The following RAI1 variants were observed in gnomAD, a reference collection of about 807,000 sequenced individuals.
RAI1 encodes the protein retinoic acid-induced protein 1.
A neutral mutation model predicts 123.8 loss-of-function variants in RAI1; 9 were observed. The observed-to-expected ratio is 0.07, with a 90% confidence interval of 0.04 to 0.13. The LOEUF (loss-of-function observed/expected upper bound fraction) is 0.13, where lower values mean the gene tolerates loss of function less well. Among genes scored for constraint, RAI1 ranks in the 10% least tolerant of loss-of-function variants. The probability of loss-of-function intolerance (pLI) is 1.00; values close to 1 mark genes in which losing one functional copy is unlikely to be tolerated. For missense variants in RAI1, 2,256 were observed against 2,545.8 expected (o/e 0.89, Z 2.45); for synonymous variants, 1,231 against 1,127.3 (o/e 1.09, Z -1.84).
intron 2 of RAI1, among the ~76,000 whole-genome samples, chr17:17,760,633 C>G (rs1207748628): frequency 6.6e-6 from 1 of 152,254 alleles, no homozygotes; most frequent in Non-Finnish European, 1.5e-5. Flanking sequence ...AGTCTAGAAG[C>G]TGGAGCTGCT....
At chr17:17,751,473 G>A (rs1263387805) in intron 2 of RAI1, among the ~76,000 whole-genome samples, 1 of 152,218 alleles carries the variant, frequency 6.6e-6, no homozygotes, top group Non-Finnish European at 1.5e-5. Flanking sequence ...CCTCAAGCTG[G>A]TGTTTTCCCC....
At chr17:17,690,426 G>A (rs886745752) in intron 1 of RAI1, among the ~76,000 whole-genome samples, 2 of 151,302 alleles carry the variant, frequency 1.3e-5, no homozygotes, top group Non-Finnish European at 2.9e-5. Flanking sequence ...TCTCAAGTAT[G>A]AAAGCAGAAA....
At chr17:17,701,578 C>T (rs983425010) in intron 1 of RAI1, among the ~76,000 whole-genome samples, 3 of 152,174 alleles carry the variant, frequency 2.0e-5, no homozygotes, top group Admixed American at 6.5e-5. Context: ...TCTTCCATGT[C>T]CCCTTGTACC....
chr17:17,751,502 AG>A (rs2030168695), intron 2 of RAI1, among the ~76,000 whole-genome samples: 1 of 152,224 alleles, frequency 6.6e-6, no homozygotes, highest in Admixed American at 6.5e-5. Flanking sequence ...AGAGAAGGAA[AG>A]GGTAGCAAAA....
At chr17:17,732,303 T>C (rs2142950779) in intron 2 of RAI1, among the ~76,000 whole-genome samples, 1 of 152,270 alleles carries the variant, frequency 6.6e-6, no homozygotes, top group Non-Finnish European at 1.5e-5. Context: ...AGAGGCTGTC[T>C]GATGGCAGAG....
At position 17,800,725 on chromosome 17, in the gene RAI1, A is replaced by G. The variant is rs1279037181; in HGVS notation, c.5565+2212A>G. 4.6e-5 allele frequency among the ~76,000 whole-genome samples: 7 copies of G among 152,230 alleles called. No individual in the cohort carries two copies. Among genetic ancestry groups the G allele is most frequent in the African/African-American group, 1.7e-4 (7 of 41,460 alleles). On this transcript the variant is annotated intron_variant, in intron 3 of 5. Coordinates refer to ENST00000353383, the MANE Select transcript of RAI1 (RefSeq NM_030665.4). The surrounding 1 kb of genome is among the most constrained non-coding windows in gnomAD (Gnocchi z 4.7). ...GGGCTGCCCCGGGAAGGTCGGAACC[A>G]GGAACACCCTGCCAGACAGATGGGA...
chr17:17,700,428 G>C (rs1377531366), intron 1 of RAI1, among the ~76,000 whole-genome samples: 1 of 151,770 alleles, frequency 6.6e-6, no homozygotes, highest in Non-Finnish European at 1.5e-5. Flanking sequence ...GCCCCTCGGC[G>C]TTCGCGCGCA....
rs755954506 is a variant in RAI1 at position 17,797,807 on chromosome 17, C to T, written c.4859C>T (p.Ala1620Val). 2.1e-5 allele frequency: 34 copies of T among 1,613,916 alleles called. No homozygotes were observed. Among genetic ancestry groups the T allele is most frequent in the Admixed American group, 8.3e-5 (5 of 60,012 alleles). ...ICTVVNSPGDAPKPHRKPSSS... is the reference protein window; with the variant it reads ...ICTVVNSPGDVPKPHRKPSSS... Reference sequence around the variant, plus strand: ...ACTGTTGTCAACTCCCCTGGAGATGCGCCCAAGCCCCACAGGAAGCCTTCC... The same window carrying T: ...ACTGTTGTCAACTCCCCTGGAGATGTGCCCAAGCCCCACAGGAAGCCTTCC... The change falls in exon 3 of 6, where the codon GCG becomes GTG. Residue 1620 changes from alanine to valine, a missense_variant. Ala to Val is a moderately conservative substitution (Grantham distance 64). This residue lies in a region of RAI1 where 410 missense variants were observed against 374.6 expected (regional missense o/e 1.09). Coordinates refer to ENST00000353383, the MANE Select transcript of RAI1 (RefSeq NM_030665.4).
intron 2 of RAI1, among the ~76,000 whole-genome samples, chr17:17,729,142 G>A (rs1916188339): frequency 6.6e-6 from 1 of 152,188 alleles, no homozygotes; most frequent in Non-Finnish European, 1.5e-5. Flanking sequence ...TGGTTCCACA[G>A]CAGACCAGCC....
intron 2 of RAI1, among the ~76,000 whole-genome samples, chr17:17,746,327 G>T (rs1406891860): frequency 6.6e-6 from 1 of 152,232 alleles, no homozygotes; most frequent in Admixed American, 6.5e-5. Flanking sequence ...GGGAGCCAAC[G>T]TTATTTTCCT....
intron 1 of RAI1, among the ~76,000 whole-genome samples, chr17:17,715,564 G>A (rs550913393): frequency 6.6e-6 from 1 of 152,322 alleles, no homozygotes; most frequent in South Asian, 2.1e-4. Context: ...GAGGAGTGGT[G>A]TGGTCATTGG....
chr17:17,787,046 A>C (rs2031850029), intron 2 of RAI1, among the ~76,000 whole-genome samples: 1 of 152,100 alleles, frequency 6.6e-6, no homozygotes, highest in African/African-American at 2.4e-5. Flanking sequence ...TGTCTCAAAA[A>C]AACAAACAAA....
chr17:17,740,644 C>G (rs759357553), intron 2 of RAI1, among the ~76,000 whole-genome samples: 1 of 152,216 alleles, frequency 6.6e-6, no homozygotes, highest in Non-Finnish European at 1.5e-5. Context: ...TTGAACCTGT[C>G]TTCTCAGAGC....
intron 1 of RAI1, among the ~76,000 whole-genome samples, chr17:17,717,530 C>T (rs778275868): frequency 6.6e-6 from 1 of 152,142 alleles, no homozygotes; most frequent in Non-Finnish European, 1.5e-5. Context: ...TGGTGCCTAA[C>T]CCTGTGGCTC....
intron 2 of RAI1, among the ~76,000 whole-genome samples, chr17:17,748,043 G>A (rs1177951800): frequency 5.3e-5 from 8 of 152,226 alleles, no homozygotes; most frequent in Non-Finnish European, 1.2e-4. Flanking sequence ...CAGCCTGGGC[G>A]ACAGAGCAAG....
At chr17:17,724,411 T>TTG (rs946688936) in intron 2 of RAI1, among the ~76,000 whole-genome samples, 1 of 147,098 alleles carries the variant, frequency 6.8e-6, no homozygotes, top group African/African-American at 2.5e-5. Flanking sequence ...CTTTCCTTTT[T>TTG]TTTTTTTTTT....
intron 2 of RAI1, among the ~76,000 whole-genome samples, chr17:17,752,526 G>A (rs1408718555): frequency 6.6e-6 from 1 of 152,164 alleles, no homozygotes. Flanking sequence ...CCTTGATGGC[G>A]GCCCCGAACA....
chr17:17,761,401 G>C (rs1031339462), intron 2 of RAI1, among the ~76,000 whole-genome samples: 7 of 152,154 alleles, frequency 4.6e-5, no homozygotes, highest in African/African-American at 1.7e-4. Context: ...CTTTTTCTGA[G>C]CACCTACTCT....
At chr17:17,771,744 C>T (rs1251550205) in intron 2 of RAI1, among the ~76,000 whole-genome samples, 1 of 152,210 alleles carries the variant, frequency 6.6e-6, no homozygotes, top group Admixed American at 6.5e-5. Context: ...GCAGAGTCAT[C>T]CCTTTCCCAT....
Sources: gnomAD v4.1 joint callset for allele counts (sites outside exome capture counted in the v4.1 genomes callset) on GRCh38, gnomAD v4.1.1 for gene constraint, gnomAD v4.1.1 regional missense constraint, Gnocchi (gnomAD v3.1) non-coding constraint, MANE v1.5 for transcripts, NCBI Gene and HGNC (gene_info 2026-07-23, HGNC 2026-07-21) for gene names.